The following ANGPT1 variants were observed in gnomAD, a reference collection of about 807,000 sequenced individuals.
ANGPT1 encodes angiopoietin 1.
A neutral mutation model predicts 62.2 loss-of-function variants in ANGPT1; 17 were observed. The ratio of observed to expected loss-of-function variants is 0.27; its 90% CI spans 0.19 to 0.41. ANGPT1 has a LOEUF of 0.41. ANGPT1 is among the 10% of genes least tolerant of loss of function. The pLI, the probability that ANGPT1 is intolerant of heterozygous loss-of-function variation, is 1.00. For synonymous variants in ANGPT1, 199 were observed against 198.9 expected (o/e 1.00, Z 0.00); for missense variants, 478 against 594.9 (o/e 0.80, Z 2.04).
chr8:107,330,400 C>CTTAA (rs1265081466), intron 3 of ANGPT1, among the ~76,000 whole-genome samples: 3 of 152,128 alleles, frequency 2.0e-5, no homozygotes, highest in Admixed American at 6.6e-5. Flanking sequence ...AGCTCATGCT[C>CTTAA]TTAACTATTA....
intron 1 of ANGPT1, among the ~76,000 whole-genome samples, chr8:107,386,522 G>T (rs1376994882): frequency 6.6e-6 from 1 of 152,092 alleles, no homozygotes; most frequent in East Asian, 1.9e-4. Context: ...CCAATAGGTG[G>T]TGTTTCAATG....
At chr8:107,309,975 TAACCCTGG>T (rs1563562109) in intron 4 of ANGPT1, among the ~76,000 whole-genome samples, 1 of 152,188 alleles carries the variant, frequency 6.6e-6, no homozygotes, top group Non-Finnish European at 1.5e-5. Context: ...AAAGTCCCTC[TAACCCTGG>T]AATAAGGGAA....
intron 1 of ANGPT1, among the ~76,000 whole-genome samples, chr8:107,428,161 T>C (rs1385783349): frequency 6.6e-6 from 1 of 152,220 alleles, no homozygotes; most frequent in East Asian, 1.9e-4. Context: ...AGAAAGAATG[T>C]TTCTTCGCAA....
intron 1 of ANGPT1, among the ~76,000 whole-genome samples, chr8:107,412,888 T>C (rs1424656404): frequency 6.6e-6 from 1 of 152,164 alleles, no homozygotes; most frequent in Non-Finnish European, 1.5e-5. Context: ...CCATGAATAT[T>C]TGTTGAATGA....
At chr8:107,294,457 G>T in intron 5 of ANGPT1, 1 of 153,476 alleles carries the variant, frequency 6.5e-6, no homozygotes, top group Non-Finnish European at 1.4e-5. Flanking sequence ...TGATTGAAAT[G>T]GGAGTACAAT....
chr8:107,363,919 T>C (rs574674981), intron 1 of ANGPT1, among the ~76,000 whole-genome samples: 3 of 152,306 alleles, frequency 2.0e-5, no homozygotes, highest in African/African-American at 7.2e-5. Flanking sequence ...AGAATGAAAC[T>C]ATTTCATTAA....
intron 1 of ANGPT1, among the ~76,000 whole-genome samples, chr8:107,495,384 C>A (rs1270946539): frequency 6.6e-6 from 1 of 152,066 alleles, no homozygotes; most frequent in Non-Finnish European, 1.5e-5. Flanking sequence ...TGACCAAGAA[C>A]AATGCAAACA....
intron 1 of ANGPT1, among the ~76,000 whole-genome samples, chr8:107,383,906 T>C (rs1256562523): frequency 6.6e-6 from 1 of 152,130 alleles, no homozygotes; most frequent in Non-Finnish European, 1.5e-5. Flanking sequence ...CTCCCTATAG[T>C]ACCTCACCTT....
Position 107,249,575 on chromosome 8 carries a change from A to T in ANGPT1, c.*2280T>A, listed in dbSNP as rs1410393352. ...AGAAACCACATGAATTTTAAAGACA[A>T]AATTCGAATACCTAATTATCCTATT... On this transcript the variant is annotated 3_prime_UTR_variant, in exon 9 of 9. Coordinates refer to ENST00000517746, the MANE Select transcript of ANGPT1 (RefSeq NM_001146.5). 1 of 151,438 alleles carries T rather than the reference A, an allele frequency of 6.6e-6. No individual in the cohort carries two copies. The highest frequency in any genetic ancestry group is 1.5e-5 in the Non-Finnish European group (1 of 67,862). 9.4% of individuals were successfully genotyped at this position (151,438 alleles called of 1,614,324 possible).
chr8:107,306,278 T>A (rs1022836358), intron 4 of ANGPT1, among the ~76,000 whole-genome samples: 1 of 152,118 alleles, frequency 6.6e-6, no homozygotes. Flanking sequence ...TAGGATCACA[T>A]TGAATTAGCC....
intron 7 of ANGPT1, among the ~76,000 whole-genome samples, chr8:107,272,977 A>T (rs1813775070): frequency 6.6e-6 from 1 of 150,784 alleles, no homozygotes; most frequent in Non-Finnish European, 1.5e-5. Context: ...ACATATTTGG[A>T]TTTCCTTGGC....
intron 1 of ANGPT1, among the ~76,000 whole-genome samples, chr8:107,415,067 C>T (rs952350175): frequency 6.6e-6 from 1 of 152,240 alleles, no homozygotes; most frequent in East Asian, 1.9e-4. Context: ...ATTTAGTTTA[C>T]TCTGCTCTGA....
At chr8:107,307,839 T>C (rs533538496) in intron 4 of ANGPT1, among the ~76,000 whole-genome samples, 3 of 152,290 alleles carry the variant, frequency 2.0e-5, no homozygotes, top group African/African-American at 4.8e-5. Context: ...TTCAGATTCA[T>C]ATATCTACTT....
chr8:107,338,235 C>T (rs1815617126), intron 2 of ANGPT1, among the ~76,000 whole-genome samples: 1 of 152,172 alleles, frequency 6.6e-6, no homozygotes, highest in African/African-American at 2.4e-5. Context: ...GCAAATGCCT[C>T]AGTTGCAAAA....
chr8:107,263,645 T>C (rs1813549214), intron 8 of ANGPT1, among the ~76,000 whole-genome samples: 1 of 152,140 alleles, frequency 6.6e-6, no homozygotes, highest in African/African-American at 2.4e-5. Context: ...ATATTTAAAA[T>C]GTACAAAAGG....
At chr8:107,318,919 G>A (rs1036372982) in intron 4 of ANGPT1, among the ~76,000 whole-genome samples, 6 of 152,010 alleles carry the variant, frequency 3.9e-5, no homozygotes, top group Admixed American at 2.0e-4. Flanking sequence ...CATACCTACC[G>A]GGTAGATATT....
intron 8 of ANGPT1, among the ~76,000 whole-genome samples, chr8:107,253,632 A>G (rs2129984255): frequency 6.6e-6 from 1 of 152,340 alleles, no homozygotes; most frequent in East Asian, 1.9e-4. Flanking sequence ...AATGATTCAT[A>G]GAATTCTCTT....
intron 1 of ANGPT1, among the ~76,000 whole-genome samples, chr8:107,394,053 G>T (rs924703297): frequency 9.9e-5 from 15 of 152,176 alleles, no homozygotes; most frequent in African/African-American, 3.6e-4. Context: ...CTGAGGAAAT[G>T]ATACAGGTTT....
intron 1 of ANGPT1, among the ~76,000 whole-genome samples, chr8:107,393,839 G>A (rs1427522197): frequency 1.3e-5 from 2 of 151,984 alleles, no homozygotes; most frequent in African/African-American, 2.4e-5. Flanking sequence ...ACAAAAAAAT[G>A]GGGGATGAAC....
Sources: gnomAD v4.1 joint callset for allele counts (sites outside exome capture counted in the v4.1 genomes callset) on GRCh38, gnomAD v4.1.1 for gene constraint, MANE v1.5 for transcripts, NCBI Gene and HGNC (gene_info 2026-07-23, HGNC 2026-07-21) for gene names.